The following SIM2 variants were observed in gnomAD, a reference collection of about 807,000 sequenced individuals.
SIM2 encodes the protein SIM bHLH transcription factor 2, also known as single-minded homolog 2.
In SIM2, 28 loss-of-function variants were observed where a neutral mutation model predicts 64.8. The ratio of observed to expected loss-of-function variants is 0.43; its 90% CI spans 0.32 to 0.59. The LOEUF (loss-of-function observed/expected upper bound fraction) is 0.59. Among genes scored for constraint, SIM2 ranks in the 20% least tolerant of loss-of-function variants. The pLI is 0.07. For missense variants in SIM2, 847 were observed against 871.4 expected (o/e 0.97, Z 0.35); for synonymous variants, 408 against 391.1 (o/e 1.04, Z -0.51).
intron 7 of SIM2, among the ~76,000 whole-genome samples, chr21:36,734,904 G>A (rs1041318048): frequency 6.6e-6 from 1 of 152,180 alleles, no homozygotes; most frequent in African/African-American, 2.4e-5. Flanking sequence ...AGGGCTGGGT[G>A]GCACCTGTTT....
At chr21:36,722,920 T>C in intron 4 of SIM2, 125 bp from the exon 5 acceptor site, 5 of 749,238 alleles carry the variant, frequency 6.7e-6, no homozygotes, top group Non-Finnish European at 1.2e-5. Flanking sequence ...CTGAGCAGGG[T>C]CTGGGCACAC....
intron 6 of SIM2, among the ~76,000 whole-genome samples, chr21:36,727,048 A>C (rs1250923010): frequency 6.6e-6 from 1 of 151,994 alleles, no homozygotes; most frequent in African/African-American, 2.4e-5. Flanking sequence ...TAATTAATTA[A>C]TTTTTTTGAG....
At chr21:36,705,285 C>G (rs1299160911) in intron 1 of SIM2, among the ~76,000 whole-genome samples, 1 of 152,228 alleles carries the variant, frequency 6.6e-6, no homozygotes, top group African/African-American at 2.4e-5. Context: ...TCCTCACCCT[C>G]CTCTCCCGCC....
intron 2 of SIM2, among the ~76,000 whole-genome samples, chr21:36,711,002 C>A (rs1425879904): frequency 6.6e-6 from 1 of 152,228 alleles, no homozygotes; most frequent in African/African-American, 2.4e-5. Context: ...CACCCCCAGA[C>A]TTCTCTGTGC....
chr21:36,735,558 T>C (rs2835450), intron 7 of SIM2, among the ~76,000 whole-genome samples: 51,442 of 120,342 alleles, frequency 0.43, 8,799 homozygotes, highest in African/African-American at 0.45. Flanking sequence ...CTCCTGGCTT[T>C]GTACCAATAG....
At chr21:36,702,939 GAAGA>G (rs1288767184) in intron 1 of SIM2, among the ~76,000 whole-genome samples, 2 of 131,120 alleles carry the variant, frequency 1.5e-5, no homozygotes, top group Admixed American at 7.3e-5. Flanking sequence ...ACTCTGGGAG[GAAGA>G]AAAAAAAAAA....
intron 7 of SIM2, among the ~76,000 whole-genome samples, chr21:36,733,068 C>CT (rs1462950626): frequency 6.6e-6 from 1 of 152,148 alleles, no homozygotes. Flanking sequence ...AGCCCCAGCC[C>CT]TGGGGGGTCT....
In SIM2 at chr21:36,722,073, G is replaced by C. The variant is rs575255545; in HGVS notation, c.458-972G>C. ...ACTTTCCGTGTCTGAAATGACCCCC[G>C]TTGTTTTATGATAAACCTGTGAGAA... On this transcript the variant is annotated intron_variant, in intron 4 of 10. Transcript: ENST00000290399. Among the ~76,000 whole-genome samples the C allele has an allele frequency of 1.7e-4, 26 of 152,250 alleles. No individual in the cohort carries two copies. In the East Asian group the frequency reaches 5.0e-3, roughly 29 times the overall value.
rs1001504190 is a variant in SIM2 at position 36,736,810 on chromosome 21, TCCTC to T, written c.851-4895_851-4892del. Among the ~76,000 whole-genome samples, 116 of 150,674 alleles carry T rather than the reference TCCTC, an allele frequency of 7.7e-4. 1 individual carries two copies. Among genetic ancestry groups the T allele is most frequent in the African/African-American group, 2.2e-3 (90 of 40,822 alleles). On this transcript the variant is annotated intron_variant, in intron 7 of 10. Transcript: ENST00000290399. ...CCTTCTTTCTTTTTCTTTCTGTCTT[TCCTC>T]CCTCCCTCCCTTTCTTCTTTCTTTC...
intron 9 of SIM2, among the ~76,000 whole-genome samples, chr21:36,744,329 G>A (rs966135665): frequency 1.8e-3 from 126 of 69,170 alleles, no homozygotes; most frequent in Middle Eastern, 0.011. Context: ...AAAAAAAAAA[G>A]AAAGAAGGAA....
At chr21:36,732,173 G>A (rs927121052) in intron 7 of SIM2, among the ~76,000 whole-genome samples, 4 of 152,194 alleles carry the variant, frequency 2.6e-5, no homozygotes, top group Non-Finnish European at 4.4e-5. Flanking sequence ...ATGAGCCACC[G>A]CACCCAGCCA....
rs189938535 is a variant in SIM2, at chr21:36,747,781, G to C, written c.1693G>C (p.Ala565Pro). The C allele has an allele frequency of 5.5e-6, 6 of 1,096,162 alleles. No homozygotes were observed. Among genetic ancestry groups the C allele is most frequent in the Non-Finnish European group, 1.1e-6 (1 of 903,778 alleles). 67.9% of individuals were successfully genotyped at this position (1,096,162 alleles called of 1,614,324 possible). A position where few individuals can be genotyped will look rare whatever the true frequency, so the allele number is the denominator to read the frequency against. Residue 565 changes from alanine to proline, a missense_variant, in exon 11 of 11, where the codon GCC becomes CCC. Ala to Pro is a conservative substitution (Grantham distance 27). This residue lies in a region of SIM2 where 447 missense variants were observed against 414.6 expected (regional missense o/e 1.08). Coordinates refer to ENST00000290399, the MANE Select transcript of SIM2 (RefSeq NM_005069.6). This position sits in a 1 kb window ranked among gnomAD's most constrained non-coding sequence, Gnocchi z 4.5. ...LGPAKAARQA[A>P]RDGARLALAR... ...CCCGGCCAAAGCCGCCCGCCAGGCC[G>C]CCCGGGACGGGGCGCGGCTGGCGCT...
chr21:36,745,987 G>A lies in SIM2; in HGVS notation c.1576+851G>A. On this transcript the variant is annotated intron_variant, in intron 10 of 10. Coordinates refer to ENST00000290399, the MANE Select transcript of SIM2 (RefSeq NM_005069.6). This position sits in a 1 kb window ranked among gnomAD's most constrained non-coding sequence, Gnocchi z 4.8. ...GACCGAGATGGTGCAGATGCCTGCA[G>A]TGCCACTAAAATGTGGGTGAAGGTG... The A allele has an allele frequency of 8.4e-7, 1 of 1,184,042 alleles. No individual in the cohort carries two copies. The highest frequency in any genetic ancestry group is 1.1e-6 in the Non-Finnish European group (1 of 926,460). 73.3% of individuals were successfully genotyped at this position (1,184,042 alleles called of 1,614,324 possible).
chr21:36,732,957 G>A (rs2088990771), intron 7 of SIM2, among the ~76,000 whole-genome samples: 1 of 152,182 alleles, frequency 6.6e-6, no homozygotes, highest in African/African-American at 2.4e-5. Context: ...CTGTGCCCTA[G>A]AACAGTCTGG....
At chr21:36,744,520 G>A (rs1213260385) in intron 9 of SIM2, among the ~76,000 whole-genome samples, 1 of 152,188 alleles carries the variant, frequency 6.6e-6, no homozygotes, top group Non-Finnish European at 1.5e-5. Context: ...TTGTTAGCTT[G>A]GGGTGGGGGA....
intron 3 of SIM2, 124 bp downstream of exon 3, chr21:36,712,746 C>A: frequency 1.6e-6 from 1 of 634,418 alleles, no homozygotes; most frequent in South Asian, 2.1e-5. Context: ...GAACATAACC[C>A]TAAATTGCAA....
chr21:36,709,034 G>A (rs1423553323), intron 1 of SIM2, 134 bp from the exon 2 acceptor site: 1 of 702,390 alleles, frequency 1.4e-6, no homozygotes, highest in Non-Finnish European at 2.3e-6. Flanking sequence ...CTGCGGAGCC[G>A]GGGAGGCGGC....
At position 36,745,737 on chromosome 21, in the gene SIM2, G is replaced by T. The variant is rs181610667; in HGVS notation, c.1576+601G>T. 1.9e-4 allele frequency: 252 copies of T among 1,292,810 alleles called. 1 individual carries two copies. Among genetic ancestry groups the T allele is most frequent in the Admixed American group, 1.6e-3 (69 of 43,358 alleles). The allele number at this position is 1,292,810 out of a possible 1,614,324, so 80.1% of individuals were successfully genotyped here. A position where few individuals can be genotyped will look rare whatever the true frequency, so the allele number is the denominator to read the frequency against. On this transcript the variant is annotated intron_variant, in intron 10 of 10. Transcript: ENST00000290399. The surrounding 1 kb of genome is among the most constrained non-coding windows in gnomAD (Gnocchi z 4.8). ...AGGACACGACACACAGTAGGGACCT[G>T]CCCTGTACATGCTAGTTCAACAGAA...
In SIM2 at chr21:36,749,260, A is replaced by G; in HGVS notation, c.*1168A>G. The stretch of plus-strand genomic sequence containing the variant: ...GTCATGGCTCTGAACTGCACAATGC[A>G]TTGAACCGCCGTCCTTCAATTTTCT... On this transcript the variant is annotated 3_prime_UTR_variant, in exon 11 of 11. Transcript: ENST00000290399. 6.5e-6 allele frequency: 1 copy of G among 152,676 alleles called. No homozygotes were observed. The highest frequency in any genetic ancestry group is 1.9e-4 in the East Asian group (1 of 5,198). The allele number at this position is 152,676 out of a possible 1,614,324, so 9.5% of individuals were successfully genotyped here.
Sources: allele counts gnomAD v4.1 joint callset (sites outside exome capture counted in the v4.1 genomes callset), GRCh38; gene constraint gnomAD v4.1.1; regional missense constraint gnomAD v4.1.1; non-coding constraint Gnocchi (gnomAD v3.1); transcripts MANE v1.5; gene names NCBI Gene and HGNC (gene_info 2026-07-23, HGNC 2026-07-21).